Variants in TTC7B observed in about 807,000 individuals in gnomAD.
TTC7B encodes the protein tetratricopeptide repeat domain 7B.
Under a neutral mutation model 106.8 loss-of-function variants are expected in TTC7B, and 28 were observed. That is an observed-to-expected ratio of 0.26 (90% CI 0.19 to 0.36). The LOEUF (loss-of-function observed/expected upper bound fraction) is 0.36, where lower values mean the gene tolerates loss of function less well. Among genes scored for constraint, TTC7B ranks in the 10% least tolerant of loss-of-function variants. TTC7B has a pLI of 1.00. For missense variants in TTC7B, 862 were observed against 1,076.4 expected, an observed-to-expected ratio of 0.80 and a Z score of 2.79; for synonymous variants, 405 against 430.6, an observed-to-expected ratio of 0.94 and a Z score of 0.74.
chr14:90,798,556 CAA>C (rs1376764846), intron 1 of TTC7B, among the ~76,000 whole-genome samples: 1 of 151,962 alleles, frequency 6.6e-6, no homozygotes, highest in Non-Finnish European at 1.5e-5. Flanking sequence ...ACTAAAAATA[CAA>C]AAGTTAGCTG....
chr14:90,706,175 T>C (rs1488903856), intron 5 of TTC7B, among the ~76,000 whole-genome samples: 1 of 151,384 alleles, frequency 6.6e-6, no homozygotes, highest in African/African-American at 2.4e-5. Flanking sequence ...TTTTTTTTTT[T>C]TTTTTTGAGA....
intron 5 of TTC7B, among the ~76,000 whole-genome samples, chr14:90,702,096 G>A (rs924296685): frequency 3.9e-5 from 6 of 152,148 alleles, no homozygotes; most frequent in Admixed American, 3.9e-4. Context: ...ACAAAATAGA[G>A]TCATGGTTAC....
chr14:90,643,650 T>A lies in TTC7B; in HGVS notation c.1751+398A>T, dbSNP rs140567940. 4.7e-3 allele frequency among the ~76,000 whole-genome samples: 718 copies of A among 152,182 alleles called. 6 individuals carry two copies. Among genetic ancestry groups the A allele is most frequent in the African/African-American group, 0.016 (682 of 41,528 alleles). The stretch of plus-strand genomic sequence containing the variant: ...TGGAATGCAGTGCAGGGGTACAATC[T>A]CCACTGACTGCAACCTCTGCCTCCC... On this transcript the variant is annotated intron_variant, in intron 15 of 19. Transcript: ENST00000328459.
chr14:90,771,553 T>C (rs1402216480), intron 3 of TTC7B, among the ~76,000 whole-genome samples: 1 of 152,068 alleles, frequency 6.6e-6, no homozygotes, highest in African/African-American at 2.4e-5. Context: ...TGAGCTGAGA[T>C]TGCGCCACTG....
chr14:90,692,833 T>G (rs1168402630), intron 6 of TTC7B, among the ~76,000 whole-genome samples: 1 of 152,182 alleles, frequency 6.6e-6, no homozygotes, highest in African/African-American at 2.4e-5. Context: ...ATATTTTGTT[T>G]GAACTTCTTA....
intron 7 of TTC7B, among the ~76,000 whole-genome samples, chr14:90,685,671 C>T (rs111506597): frequency 0.04 from 6,082 of 152,134 alleles, 175 homozygotes; most frequent in Non-Finnish European, 0.06. Context: ...TGACAACCAA[C>T]CCTGTAGAAA....
rs921918694 is a variant in TTC7B, at chr14:90,805,302, G to T, written c.121+10873C>A. The stretch of plus-strand genomic sequence containing the variant: ...AAGGTGTCTTGTTCTGTCACCCAGG[G>T]TAGTGTGCAGTGGCGCGATCTCGGC... On this transcript the variant is annotated intron_variant, in intron 1 of 19. Transcript: ENST00000328459. This position sits in a 1 kb window ranked among gnomAD's most constrained non-coding sequence, Gnocchi z 4.0. Among the ~76,000 whole-genome samples the T allele has an allele frequency of 5.3e-5, 8 of 152,152 alleles. No individual in the cohort carries two copies. In the East Asian group the frequency reaches 9.7e-4, roughly 18 times the overall value.
intron 9 of TTC7B, among the ~76,000 whole-genome samples, chr14:90,667,799 G>A (rs1192371545): frequency 1.3e-5 from 2 of 152,142 alleles, no homozygotes; most frequent in Admixed American, 1.3e-4. Context: ...GGACTCAATA[G>A]GGAGAAGGAG....
chr14:90,766,019 G>A (rs1890664146), intron 3 of TTC7B, among the ~76,000 whole-genome samples: 1 of 152,038 alleles, frequency 6.6e-6, no homozygotes, highest in South Asian at 2.1e-4. Flanking sequence ...ACATACATGG[G>A]GAAAATTAGA....
Position 90,530,138 on chromosome 14 carries a change from C to A in TTC7B, c.*11230G>T, listed in dbSNP as rs1479179635. 6.6e-6 allele frequency: 1 copy of A among 152,100 alleles called. No homozygotes were observed. 9.4% of individuals were successfully genotyped at this position (152,100 alleles called of 1,614,324 possible). A position where few individuals can be genotyped will look rare whatever the true frequency, so the allele number is the denominator to read the frequency against. On this transcript the variant is annotated 3_prime_UTR_variant, in exon 20 of 20. Coordinates refer to ENST00000328459, the MANE Select transcript of TTC7B (RefSeq NM_001010854.2). ...AAAAAATTAGCCAGGCGTGGTGGCACGTGCCTGTAATCCTAGCTACTCGGG... is the reference window on the plus strand; with the variant it reads ...AAAAAATTAGCCAGGCGTGGTGGCAAGTGCCTGTAATCCTAGCTACTCGGG...
chr14:90,674,132 A>C (rs1439969927), intron 9 of TTC7B, among the ~76,000 whole-genome samples: 1 of 152,196 alleles, frequency 6.6e-6, no homozygotes, highest in Non-Finnish European at 1.5e-5. Context: ...TTTTAAATTA[A>C]AGTCCTGAGA....
chr14:90,770,455 A>G (rs1049445236), intron 3 of TTC7B, among the ~76,000 whole-genome samples: 1 of 152,128 alleles, frequency 6.6e-6, no homozygotes, highest in Non-Finnish European at 1.5e-5. Flanking sequence ...TCGGGAGTTC[A>G]AGACCAGCCT....
In TTC7B at chr14:90,525,979, A is replaced by T. The variant is rs999026660; in HGVS notation, c.*15389T>A. ...GGTTAAAAAATAAAAAAAAATAAAA[A>T]AAATAAAAAAAAAAAAGAAGTCTTT... is the stretch of plus-strand genomic sequence containing the variant. On this transcript the variant is annotated 3_prime_UTR_variant, in exon 20 of 20. Coordinates refer to ENST00000328459, the MANE Select transcript of TTC7B (RefSeq NM_001010854.2). 10 of 143,030 alleles carry T rather than the reference A, an allele frequency of 7.0e-5. No homozygotes were observed. The highest frequency in any genetic ancestry group is 3.7e-3 in the Middle Eastern group (1 of 270). 8.9% of individuals were successfully genotyped at this position (143,030 alleles called of 1,614,324 possible). A position where few individuals can be genotyped will look rare whatever the true frequency, so the allele number is the denominator to read the frequency against.
Position 90,798,107 on chromosome 14 carries a change from CG to C in TTC7B, c.122-11780del, listed in dbSNP as rs199931572. ...TTTTTCCCTCTTGCTTCTCTGTGAC[CG>C]CCACGAGAACGTGCCTAGGCCAGCC... is the stretch of plus-strand genomic sequence containing the variant. On this transcript the variant is annotated intron_variant, in intron 1 of 19. Transcript: ENST00000328459. Among the ~76,000 whole-genome samples the C allele has an allele frequency of 6.9e-3, 1,045 of 152,300 alleles. 18 individuals carry two copies. The highest frequency in any genetic ancestry group is 0.024 in the African/African-American group (1,003 of 41,572).
At chr14:90,599,083 G>A (rs1259603719) in intron 17 of TTC7B, among the ~76,000 whole-genome samples, 1 of 152,186 alleles carries the variant, frequency 6.6e-6, no homozygotes, top group Non-Finnish European at 1.5e-5. Context: ...CCCAGGAGGT[G>A]GAGGTTGCAG....
At position 90,797,226 on chromosome 14, in the gene TTC7B, G is replaced by A. The variant is rs1218105959; in HGVS notation, c.122-10898C>T. On this transcript the variant is annotated intron_variant, in intron 1 of 19. Coordinates refer to ENST00000328459, the MANE Select transcript of TTC7B (RefSeq NM_001010854.2). ...TCCCAGCACTTTGGGGGGCCAAGGT[G>A]GGTGGATCATGAGGTCAGGAGTTCA... Among the ~76,000 whole-genome samples the A allele has an allele frequency of 4.8e-5, 5 of 103,414 alleles. 1 individual carries two copies. Among genetic ancestry groups the A allele is most frequent in the African/African-American group, 1.1e-4 (4 of 37,678 alleles). 67.8% of individuals were successfully genotyped at this position (103,414 alleles called of 152,430 possible).
chr14:90,622,893 A>T (rs1018886647), intron 15 of TTC7B, among the ~76,000 whole-genome samples: 1 of 152,158 alleles, frequency 6.6e-6, no homozygotes, highest in Admixed American at 6.5e-5. Context: ...GCTCCTGTCC[A>T]CCCACATGCT....
chr14:90,583,770 G>A (rs895842097), intron 18 of TTC7B, among the ~76,000 whole-genome samples: 2 of 152,188 alleles, frequency 1.3e-5, no homozygotes, highest in African/African-American at 4.8e-5. Flanking sequence ...AGCTCTGAAT[G>A]TTCTCTTAGG....
chr14:90,604,629 A>G (rs1892566495), intron 17 of TTC7B, among the ~76,000 whole-genome samples: 1 of 152,234 alleles, frequency 6.6e-6, no homozygotes, highest in Non-Finnish European at 1.5e-5. Flanking sequence ...ATTTGGAACA[A>G]AGATGAGCCC....
Sources: allele counts gnomAD v4.1 joint callset (sites outside exome capture counted in the v4.1 genomes callset), GRCh38; gene constraint gnomAD v4.1.1; non-coding constraint Gnocchi (gnomAD v3.1); transcripts MANE v1.5; gene names NCBI Gene and HGNC (gene_info 2026-07-23, HGNC 2026-07-21).